The following LRRCC1 variants were observed in gnomAD, a reference collection of about 807,000 sequenced individuals.
LRRCC1 encodes leucine-rich repeat and coiled-coil domain-containing protein 1.
LRRCC1 carries 115 observed loss-of-function variants against 126.0 expected under a neutral mutation model. That is an observed-to-expected ratio of 0.91 (90% confidence interval 0.78 to 1.07). LRRCC1 has a LOEUF of 1.07. Among genes scored for constraint, LRRCC1 ranks in the 50% least tolerant of loss-of-function variants. The pLI is 0.00. For synonymous variants in LRRCC1, 400 were observed against 393.4 expected (o/e 1.02, Z -0.20); for missense variants, 1,172 against 1,175.7 (o/e 1.00, Z 0.05).
Position 85,118,519 on chromosome 8 carries a change from G to T in LRRCC1, c.930+2935G>T, listed in dbSNP as rs1374558293. Among the ~76,000 whole-genome samples the T allele has an allele frequency of 5.3e-5, 8 of 151,810 alleles. No homozygotes were observed. In the South Asian group the frequency reaches 1.5e-3, roughly 28 times the overall value. ...AATGTATGGCTGTTCCAGTTTTTCT[G>T]CCACCTCACCAATATTTGGTGAGGT... On this transcript the variant is annotated intron_variant, in intron 6 of 18. Transcript: ENST00000360375.
At chr8:85,108,560 C>T (rs1270757242) in intron 1 of LRRCC1, 1 of 152,158 alleles carries the variant, frequency 6.6e-6, no homozygotes, top group Non-Finnish European at 1.5e-5. Context: ...TGAAATGTGT[C>T]AGAAAGTAAA....
chr8:85,139,803 T>C (rs1811140568), intron 17 of LRRCC1, among the ~76,000 whole-genome samples: 1 of 152,168 alleles, frequency 6.6e-6, no homozygotes, highest in Non-Finnish European at 1.5e-5. Context: ...AGCCCAAAAA[T>C]CTCACTTAAA....
At chr8:85,120,315 G>A (rs1440804650) in intron 6 of LRRCC1, among the ~76,000 whole-genome samples, 1 of 152,000 alleles carries the variant, frequency 6.6e-6, no homozygotes. Context: ...TAGAGGTGGG[G>A]GGGTTGATCT....
intron 6 of LRRCC1, among the ~76,000 whole-genome samples, chr8:85,121,088 G>T (rs1202336225): frequency 6.6e-6 from 1 of 152,266 alleles, no homozygotes; most frequent in Non-Finnish European, 1.5e-5. Context: ...CCACATCCTT[G>T]CTATCTTGTT....
rs777580503 is a variant in LRRCC1, at chr8:85,138,230, A to C, written c.2689A>C (p.Arg897=). ...AAAGGAAGTAGAACTTGAAGAAATC[A>C]GAAAAGCTTACAGGTATTATATAGT... ...KGKEVELEEI[R]KAYSTLNRKW... The change falls in exon 16 of 19, where the codon AGA becomes CGA. Residue 897 remains arginine, a synonymous_variant. Coordinates refer to ENST00000360375, the MANE Select transcript of LRRCC1 (RefSeq NM_033402.5). The C allele has an allele frequency of 6.2e-7, 1 of 1,606,766 alleles. No homozygotes were observed. Among genetic ancestry groups the C allele is most frequent in the South Asian group, 1.1e-5 (1 of 89,258 alleles).
chr8:85,133,776 T>C (rs1810662203), intron 12 of LRRCC1, among the ~76,000 whole-genome samples: 1 of 152,222 alleles, frequency 6.6e-6, no homozygotes, highest in Non-Finnish European at 1.5e-5. Context: ...TATTAAGAGC[T>C]TTCAAGTTAA....
At chr8:85,132,371 CTTTCTTTTTTT>C (rs1363539432) in intron 12 of LRRCC1, among the ~76,000 whole-genome samples, 7 of 116,444 alleles carry the variant, frequency 6.0e-5, no homozygotes, top group Admixed American at 4.5e-4. Flanking sequence ...CAGTTGAGTA[CTTTCTTTTTTT>C]TTTTTTTTTT....
intron 6 of LRRCC1, among the ~76,000 whole-genome samples, chr8:85,117,379 T>A (rs1290574613): frequency 6.6e-6 from 1 of 152,206 alleles, no homozygotes; most frequent in African/African-American, 2.4e-5. Context: ...GAAAGGTGAT[T>A]CACTGCTATG....
Position 85,145,402 on chromosome 8 carries a change from A to G in LRRCC1, c.2990A>G (p.Glu997Gly). ...DSANLKVHQIEKEMRELLEET... is the reference protein window; with the variant it reads ...DSANLKVHQIGKEMRELLEET... ...ATGTCGATTTAGGTCCATCAAATTGAAAAAGAAATGCGTGAACTTTTGGAA... is the reference window on the plus strand; with the variant it reads ...ATGTCGATTTAGGTCCATCAAATTGGAAAAGAAATGCGTGAACTTTTGGAA... Residue 997 changes from glutamate to glycine, a missense_variant, in exon 19 of 19, where the codon GAA becomes GGA. Coordinates refer to ENST00000360375, the MANE Select transcript of LRRCC1 (RefSeq NM_033402.5). The G allele has an allele frequency of 6.4e-7, 1 of 1,551,856 alleles. No homozygotes were observed. Among genetic ancestry groups the G allele is most frequent in the South Asian group, 1.3e-5 (1 of 76,682 alleles).
Position 85,109,609 on chromosome 8 carries a change from C to G in LRRCC1, c.119C>G (p.Ser40Cys), listed in dbSNP as rs1375012798. ...DKGLQSISEL[S>C]LDSTLHAVNL... is the part of the protein sequence containing the mutation. Reference sequence around the variant, plus strand: ...TTCTTTTATAGCATATCAGAATTATCTTTAGATTCAACTCTTCATGCCGTC... The same window carrying G: ...TTCTTTTATAGCATATCAGAATTATGTTTAGATTCAACTCTTCATGCCGTC... Residue 40 changes from serine to cysteine, a missense_variant, in exon 2 of 19, where the codon TCT becomes TGT. By Grantham distance (112) the Ser-to-Cys change is moderately radical. Transcript: ENST00000360375. 6.3e-7 allele frequency: 1 copy of G among 1,595,138 alleles called. No homozygotes were observed. Among genetic ancestry groups the G allele is most frequent in the East Asian group, 2.2e-5 (1 of 44,546 alleles).
Position 85,115,172 on chromosome 8 carries a change from C to T in LRRCC1, c.617C>T (p.Pro206Leu). ...GATTGCAAGAACATATTTGGTGAAC[C>T]AGTAAATTTGACAGAAATAAATTCA... ...ILDCKNIFGEPVNLTEINSSQ... is the reference protein window; with the variant it reads ...ILDCKNIFGELVNLTEINSSQ... The change falls in exon 5 of 19, where the codon CCA becomes CTA. Residue 206 changes from proline to leucine, a missense_variant. Transcript: ENST00000360375. The T allele has an allele frequency of 6.2e-7, 1 of 1,612,744 alleles. No individual in the cohort carries two copies. The highest frequency in any genetic ancestry group is 8.5e-7 in the Non-Finnish European group (1 of 1,179,216).
At chr8:85,111,907 C>T (rs1482536794) in intron 3 of LRRCC1, among the ~76,000 whole-genome samples, 1 of 150,274 alleles carries the variant, frequency 6.7e-6, no homozygotes, top group Non-Finnish European at 1.5e-5. Flanking sequence ...TAAAGTCTCG[C>T]TCTGGGGTGC....
intron 6 of LRRCC1, among the ~76,000 whole-genome samples, chr8:85,121,455 T>G (rs1809546185): frequency 6.6e-6 from 1 of 152,160 alleles, no homozygotes; most frequent in Admixed American, 6.6e-5. Flanking sequence ...TTGTTTTGTT[T>G]TTTGAGACGG....
At position 85,135,912 on chromosome 8, in the gene LRRCC1, T is replaced by C. The variant is rs370119468; in HGVS notation, c.2278T>C (p.Phe760Leu). ...SELAAKESLIFGLRTERKVWG... is the reference protein window; with the variant it reads ...SELAAKESLILGLRTERKVWG... ...GCTAGCAGCCAAGGAATCACTAATATTTGGTTTAAGGACAGAAAGAAAAGT... is the reference window on the plus strand; with the variant it reads ...GCTAGCAGCCAAGGAATCACTAATACTTGGTTTAAGGACAGAAAGAAAAGT... The change falls in exon 14 of 19, where the codon TTT becomes CTT. Residue 760 changes from phenylalanine (F) to leucine (L), a missense_variant. By Grantham distance (22) the Phe-to-Leu change is conservative (BLOSUM62 0). Coordinates refer to ENST00000360375, the MANE Select transcript of LRRCC1 (RefSeq NM_033402.5). The C allele has an allele frequency of 1.2e-6, 2 of 1,607,436 alleles. No homozygotes were observed. Among genetic ancestry groups the C allele is most frequent in the East Asian group, 2.2e-5 (1 of 44,506 alleles).
At chr8:85,141,564 A>G in intron 18 of LRRCC1, 47 bp downstream of exon 18, 2 of 1,354,822 alleles carry the variant, frequency 1.5e-6, no homozygotes, top group South Asian at 1.4e-5. Flanking sequence ...TTACATGATT[A>G]TAGCTAAATA....
chr8:85,138,392 A>C lies in LRRCC1; in HGVS notation c.2757A>C (p.Thr919=), dbSNP rs1326829809. ...DKGELLCHLE[T]QVKEVKEKFE... ...GAGAACTTCTATGTCATCTTGAAAC[A>C]CAAGTAAAAGAAGTGAAAGAAAAAT... Residue 919 remains threonine, a synonymous_variant, in exon 17 of 19, where the codon ACA becomes ACC. Transcript: ENST00000360375. The C allele has an allele frequency of 6.2e-7, 1 of 1,612,718 alleles. No individual in the cohort carries two copies. The highest frequency in any genetic ancestry group is 1.7e-5 in the Admixed American group (1 of 59,888).
At chr8:85,131,426 T>C (rs879560434) in intron 11 of LRRCC1, among the ~76,000 whole-genome samples, 1 of 152,226 alleles carries the variant, frequency 6.6e-6, no homozygotes, top group Non-Finnish European at 1.5e-5. Flanking sequence ...ACTGTATTTA[T>C]TGCAAGTCAA....
At chr8:85,121,377 A>G (rs901627944) in intron 6 of LRRCC1, among the ~76,000 whole-genome samples, 1 of 151,052 alleles carries the variant, frequency 6.6e-6, no homozygotes, top group Non-Finnish European at 1.5e-5. Context: ...TTCCTTTCCT[A>G]CTTTCTGTTG....
chr8:85,126,597 A>G, intron 8 of LRRCC1, 92 bp from the exon 9 acceptor site: 1 of 1,013,676 alleles, frequency 9.9e-7, no homozygotes, highest in Non-Finnish European at 1.4e-6. Context: ...TGAAGTAGGT[A>G]CTATTATTCC....
Sources: allele counts gnomAD v4.1 joint callset (sites outside exome capture counted in the v4.1 genomes callset), GRCh38; gene constraint gnomAD v4.1.1; transcripts MANE v1.5; gene names NCBI Gene and HGNC (gene_info 2026-07-23, HGNC 2026-07-21).